Variants in MAP4K3 observed in about 807,000 individuals in gnomAD.
MAP4K3 encodes mitogen-activated protein kinase kinase kinase kinase 3.
A neutral mutation model predicts 143.5 loss-of-function variants in MAP4K3; 94 were observed. The observed-to-expected ratio is 0.65, with a 90% CI of 0.55 to 0.78. MAP4K3 has a LOEUF of 0.78. Ranked by LOEUF, MAP4K3 falls within the 30% of genes least tolerant of loss-of-function variation. The probability of loss-of-function intolerance (pLI) is 0.00; values close to 1 mark genes in which losing one functional copy is unlikely to be tolerated. For missense variants in MAP4K3, 1,077 were observed against 1,068.1 expected (o/e 1.01, Z -0.12); for synonymous variants, 416 against 347.2 (o/e 1.20, Z -2.20).
chr2:39,250,670 G>A lies in MAP4K3; in HGVS notation c.2633C>T (p.Pro878Leu), dbSNP rs753487366. The change falls in exon 34 of 34, where the codon CCC (proline) becomes CTC (leucine). Residue 878 changes from proline to leucine, a missense_variant. Physicochemically the swap from Pro to Leu is moderately conservative, Grantham distance 98. Transcript: ENST00000263881. ...GATGTACAAATTGCTATTTGCTGTG[G>A]GGTTATCAGTTGGCCTACTTTCCAA... ...VVLESRPTDNPTANSNLYILA... is the reference protein window; with the variant it reads ...VVLESRPTDNLTANSNLYILA... 8.1e-6 allele frequency: 13 copies of A among 1,613,622 alleles called. No individual in the cohort carries two copies. The Admixed American group carries it at 2.0e-4, about 25-fold the overall frequency.
intron 1 of MAP4K3, among the ~76,000 whole-genome samples, chr2:39,399,563 C>T (rs1482846763): frequency 6.6e-6 from 1 of 152,184 alleles, no homozygotes; most frequent in Non-Finnish European, 1.5e-5. Context: ...GCACCTCAGT[C>T]ACATAAATGA....
At chr2:39,376,452 G>A (rs542687966) in intron 2 of MAP4K3, among the ~76,000 whole-genome samples, 1 of 152,146 alleles carries the variant, frequency 6.6e-6, no homozygotes, top group Non-Finnish European at 1.5e-5. Context: ...GTCCAAGACT[G>A]ACAGTGCAAC....
At chr2:39,253,713 A>G (rs1410509789) in intron 32 of MAP4K3, among the ~76,000 whole-genome samples, 4 of 152,236 alleles carry the variant, frequency 2.6e-5, no homozygotes, top group Non-Finnish European at 5.9e-5. Flanking sequence ...TAAGAAACAA[A>G]TAAGCTTCCT....
chr2:39,430,686 T>G (rs1291666375), intron 1 of MAP4K3, among the ~76,000 whole-genome samples: 3 of 152,202 alleles, frequency 2.0e-5, no homozygotes, highest in Admixed American at 6.5e-5. Context: ...CACTAGTCAG[T>G]CACTAGGGGT....
chr2:39,269,494 A>C (rs1573075621), intron 26 of MAP4K3, among the ~76,000 whole-genome samples: 2 of 18,934 alleles, frequency 1.1e-4, no homozygotes, highest in African/African-American at 4.8e-4. Context: ...TTTTTTTTGG[A>C]GACAGGGTCT....
At chr2:39,295,051 T>C (rs890999032) in intron 16 of MAP4K3, among the ~76,000 whole-genome samples, 1 of 151,376 alleles carries the variant, frequency 6.6e-6, no homozygotes, top group South Asian at 2.1e-4. Context: ...AAAAAAAAAG[T>C]AAAACAATGC....
At chr2:39,384,924 C>A (rs973671700) in intron 1 of MAP4K3, among the ~76,000 whole-genome samples, 1 of 152,144 alleles carries the variant, frequency 6.6e-6, no homozygotes, top group African/African-American at 2.4e-5. Context: ...CCTCCCTAAA[C>A]CCTGGAAACA....
In MAP4K3 at chr2:39,258,543, C is replaced by A; in HGVS notation, c.2353G>T (p.Asp785Tyr). Residue 785 changes from aspartate to tyrosine, a missense_variant, in exon 30 of 34, where the codon GAT (aspartate) becomes TAT (tyrosine). By Grantham distance (160) the Asp-to-Tyr change is radical. Coordinates refer to ENST00000263881, the MANE Select transcript of MAP4K3 (RefSeq NM_003618.4). ...CAGTCCAAGCATACAAGGATGGTAT[C>A]TCTCTCCAGTTGGGTTACATGAGTA... ...NVTHVTQLER[D>Y]TILVCLDCCI... 6.2e-7 allele frequency: 1 copy of A among 1,613,692 alleles called. No homozygotes were observed. The highest frequency in any genetic ancestry group is 8.5e-7 in the Non-Finnish European group (1 of 1,179,606).
At chr2:39,320,739 A>T (rs919951838) in intron 12 of MAP4K3, among the ~76,000 whole-genome samples, 1 of 152,166 alleles carries the variant, frequency 6.6e-6, no homozygotes, top group Non-Finnish European at 1.5e-5. Flanking sequence ...ACTCACACTA[A>T]GGTCTCTCAA....
intron 15 of MAP4K3, among the ~76,000 whole-genome samples, chr2:39,306,594 T>C (rs527706702): frequency 1.3e-5 from 2 of 152,364 alleles, no homozygotes; most frequent in African/African-American, 4.8e-5. Flanking sequence ...CATGGCTTCA[T>C]CTATCACTTC....
chr2:39,320,354 C>T (rs1176946260), intron 12 of MAP4K3, among the ~76,000 whole-genome samples: 2 of 152,082 alleles, frequency 1.3e-5, no homozygotes, highest in Non-Finnish European at 2.9e-5. Context: ...CCCATTTATA[C>T]CTGAGGTTGC....
At position 39,390,772 on chromosome 2, in the gene MAP4K3, T is replaced by TA. The variant is rs5830564; in HGVS notation, c.97-12650dup. ...GTAGAGCAGTGCTTTACATAAAAAT[T>TA]AAAAAAAAAAAAATACTGGAAATGA... On this transcript the variant is annotated intron_variant, in intron 1 of 33. Transcript: ENST00000263881. Among the ~76,000 whole-genome samples, 153 of 149,240 alleles carry TA rather than the reference T, an allele frequency of 1.0e-3. 1 individual carries two copies. The highest frequency in any genetic ancestry group is 3.4e-3 in the African/African-American group (139 of 40,684).
intron 15 of MAP4K3, among the ~76,000 whole-genome samples, chr2:39,304,711 T>C (rs1315879786): frequency 6.6e-6 from 1 of 152,192 alleles, no homozygotes; most frequent in East Asian, 1.9e-4. Flanking sequence ...TCTAGTTACA[T>C]ATCAAAAGAA....
intron 16 of MAP4K3, among the ~76,000 whole-genome samples, chr2:39,297,490 T>G (rs918360826): frequency 6.6e-6 from 1 of 152,126 alleles, no homozygotes. Flanking sequence ...TTAGTGAGAT[T>G]AGAATTCCAA....
chr2:39,341,697 A>T (rs1191104058), intron 4 of MAP4K3, among the ~76,000 whole-genome samples: 2 of 152,018 alleles, frequency 1.3e-5, no homozygotes, highest in East Asian at 3.9e-4. Flanking sequence ...TAAACCAATT[A>T]GTAAGGAAAT....
intron 31 of MAP4K3, among the ~76,000 whole-genome samples, chr2:39,258,081 GC>G (rs1680417915): frequency 6.6e-6 from 1 of 151,960 alleles, no homozygotes. Context: ...ACAGGCGTGT[GC>G]CAGCAAACCT....
intron 12 of MAP4K3, among the ~76,000 whole-genome samples, chr2:39,315,708 A>C (rs1216529761): frequency 6.6e-6 from 1 of 152,174 alleles, no homozygotes; most frequent in African/African-American, 2.4e-5. Context: ...GTCTAGATCC[A>C]TTCTACAAGG....
At chr2:39,411,225 A>G (rs987384314) in intron 1 of MAP4K3, among the ~76,000 whole-genome samples, 1 of 152,206 alleles carries the variant, frequency 6.6e-6, no homozygotes, top group Non-Finnish European at 1.5e-5. Flanking sequence ...TTAAAATCCA[A>G]TTTTAAAGCA....
chr2:39,349,967 T>C (rs1295099782), intron 3 of MAP4K3, among the ~76,000 whole-genome samples: 1 of 152,176 alleles, frequency 6.6e-6, no homozygotes, highest in South Asian at 2.1e-4. Context: ...CTTAGAGTAG[T>C]AGTTCTTAAC....
Sources: gnomAD v4.1 joint callset for allele counts (sites outside exome capture counted in the v4.1 genomes callset) on GRCh38, gnomAD v4.1.1 for gene constraint, MANE v1.5 for transcripts, NCBI Gene and HGNC (gene_info 2026-07-23, HGNC 2026-07-21) for gene names.